CXCL12: variants seen among roughly 807,000 people sequenced by gnomAD.
The protein encoded by CXCL12 is stromal cell-derived factor 1.
Under a neutral mutation model 10.7 loss-of-function variants are expected in CXCL12, and 4 were observed. That is an observed-to-expected ratio of 0.37 (90% CI 0.18 to 0.86). The LOEUF (loss-of-function observed/expected upper bound fraction) is 0.86. Among genes scored for constraint, CXCL12 ranks in the 40% least tolerant of loss-of-function variants. The pLI, the probability that CXCL12 is intolerant of heterozygous loss-of-function variation, is 0.43. For missense variants in CXCL12, 122 were observed against 110.4 expected (o/e 1.10, Z -0.47); for synonymous variants, 54 against 45.4 (o/e 1.19, Z -0.77).
rs995214091 is a variant in CXCL12, at chr10:44,380,891, T to A, written c.62-11A>T. On this transcript the variant is annotated splice_polypyrimidine_tract_variant and intron_variant, in intron 1 of 2. Transcript: ENST00000343575. ...GGCTGACGGGCTTCCCTAGAAGAGGTAAGGACAACAAGGCACTTTACTACC... is the reference window on the plus strand; with the variant it reads ...GGCTGACGGGCTTCCCTAGAAGAGGAAAGGACAACAAGGCACTTTACTACC... 6.2e-7 allele frequency: 1 copy of A among 1,612,292 alleles called. No individual in the cohort carries two copies. The highest frequency in any genetic ancestry group is 1.3e-5 in the African/African-American group (1 of 74,840).
rs10793538 is a variant in CXCL12 at position 44,381,138 on chromosome 10, T to A, written c.62-258A>T. Among the ~76,000 whole-genome samples the A allele has an allele frequency of 0.91, 137,841 of 151,960 alleles. 63,091 individuals carry two copies. The highest frequency in any genetic ancestry group is 0.97 in the Non-Finnish European group (65,662 of 67,970). ...AGCCGGAGCCTAGATGAGGCGGGAGTTTAAATTAGAAGCCACCTGCTCAGT... is the reference window on the plus strand; with the variant it reads ...AGCCGGAGCCTAGATGAGGCGGGAGATTAAATTAGAAGCCACCTGCTCAGT... On this transcript the variant is annotated intron_variant, in intron 1 of 2. Transcript: ENST00000343575.
chr10:44,377,750 T>C lies in CXCL12; in HGVS notation c.*883A>G. The stretch of plus-strand genomic sequence containing the variant: ...TTTTGCGGGTAAGCAGGGGGACCAT[T>C]ACACATCCCCAGGAGAGGGCCAGCT... On this transcript the variant is annotated 3_prime_UTR_variant, in exon 3 of 3. Transcript: ENST00000343575. 4 of 1,598,368 alleles carry C rather than the reference T, an allele frequency of 2.5e-6. No homozygotes were observed. The highest frequency in any genetic ancestry group is 3.4e-6 in the Non-Finnish European group (4 of 1,179,796).
At chr10:44,370,474 G>C (rs553118430) in exon 4 of CXCL12, 1 of 152,400 alleles carries the variant, frequency 6.6e-6, no homozygotes, top group East Asian at 1.9e-4. Flanking sequence ...GTCTGCTTAG[G>C]GGATTTGGAA....
intron 2 of CXCL12, 139 bp downstream of exon 2, chr10:44,380,624 G>T (rs1588901667): frequency 1.3e-6 from 1 of 759,110 alleles, no homozygotes; most frequent in South Asian, 1.5e-5. Context: ...GATAAGAATA[G>T]CTGCCACTAA....
Position 44,378,848 on chromosome 10 carries a change from C to T in CXCL12, c.180-125G>A, listed in dbSNP as rs1839542905. The stretch of plus-strand genomic sequence containing the variant: ...GGCACCCCGTGCTCCACTTGGTACG[C>T]TCAGGCTCCAGAGGTGCTCGCGGTG... On this transcript the variant is annotated intron_variant, in intron 2 of 2. Transcript: ENST00000343575. The T allele has an allele frequency of 4.5e-5, 43 of 953,602 alleles. No individual in the cohort carries two copies. The South Asian group carries it at 5.9e-4, about 13-fold the overall frequency. 59.1% of individuals were successfully genotyped at this position (953,602 alleles called of 1,614,324 possible). A position where few individuals can be genotyped will look rare whatever the true frequency, so the allele number is the denominator to read the frequency against.
chr10:44,372,625 GTC>G (rs1215454904), downstream of CXCL12: 2 of 1,337,884 alleles, frequency 1.5e-6, no homozygotes, highest in Non-Finnish European at 1.9e-6. Flanking sequence ...GGTCCTGAGA[GTC>G]CTTTTGCAGG....
At chr10:44,381,015 G>A in intron 1 of CXCL12, 135 bp from the exon 2 acceptor site, 3 of 767,890 alleles carry the variant, frequency 3.9e-6, no homozygotes, top group Non-Finnish European at 7.0e-6. Flanking sequence ...GGTTACTGGT[G>A]TATGTTGGGA....
chr10:44,374,683 G>C (rs772764768), downstream of CXCL12: 9 of 455,954 alleles, frequency 2.0e-5, no homozygotes, highest in Middle Eastern at 1.6e-3. Flanking sequence ...CTCCGGGACA[G>C]GGTGTGTCTG....
At chr10:44,374,672 G>A (rs967613236), downstream of CXCL12, 3 of 456,062 alleles carry the variant, frequency 6.6e-6, no homozygotes, top group South Asian at 1.5e-5. Flanking sequence ...GGGACACCAC[G>A]CTCCGGGACA....
In CXCL12 at chr10:44,377,536, T is replaced by G. The variant is rs773558675; in HGVS notation, c.*1097A>C. 347 of 1,425,068 alleles carry G rather than the reference T, an allele frequency of 2.4e-4. No homozygotes were observed. Among genetic ancestry groups the G allele is most frequent in the Non-Finnish European group, 3.0e-4 (325 of 1,094,980 alleles). The allele number at this position is 1,425,068 out of a possible 1,614,324, so 88.3% of individuals were successfully genotyped here. A position where few individuals can be genotyped will look rare whatever the true frequency, so the allele number is the denominator to read the frequency against. On this transcript the variant is annotated 3_prime_UTR_variant, in exon 3 of 3. Coordinates refer to ENST00000343575, the MANE Select transcript of CXCL12 (RefSeq NM_199168.4). ...TTCTGATTGGAACCTGAAACCCTGC[T>G]GTGGCTTCAGGAGGGGGTAGTGGCA...
chr10:44,373,086 A>G (rs1486092309), downstream of CXCL12: 3 of 1,537,062 alleles, frequency 2.0e-6, no homozygotes, highest in Middle Eastern at 1.7e-4. Flanking sequence ...AAGTACAATA[A>G]TGGCCTTAGT....
intron 1 of CXCL12, among the ~76,000 whole-genome samples, chr10:44,383,510 G>A (rs59675227): frequency 2.7e-4 from 39 of 146,338 alleles, no homozygotes; most frequent in African/African-American, 9.6e-4. Context: ...ACACCTCCGC[G>A]CTCATCCCAC....
Position 44,377,501 on chromosome 10 carries a change from T to C in CXCL12, c.*1132A>G. ...CGCATTTATGCATGGAAATGTCACC[T>C]TGCCAACAGTTCTGATTGGAACCTG... On this transcript the variant is annotated 3_prime_UTR_variant, in exon 3 of 3. Coordinates refer to ENST00000343575, the MANE Select transcript of CXCL12 (RefSeq NM_199168.4). 36 of 1,361,986 alleles carry C rather than the reference T, an allele frequency of 2.6e-5. No homozygotes were observed. Among genetic ancestry groups the C allele is most frequent in the Non-Finnish European group, 3.4e-5 (36 of 1,062,326 alleles). 84.4% of individuals were successfully genotyped at this position (1,361,986 alleles called of 1,614,324 possible). A position where few individuals can be genotyped will look rare whatever the true frequency, so the allele number is the denominator to read the frequency against.
chr10:44,381,015 G>C (rs1032289336), intron 1 of CXCL12, 135 bp from the exon 2 acceptor site: 9 of 767,770 alleles, frequency 1.2e-5, no homozygotes, highest in Non-Finnish European at 2.1e-5. Context: ...GGTTACTGGT[G>C]TATGTTGGGA....
chr10:44,377,798 C>CCTCCT lies in CXCL12; in HGVS notation c.*834_*835insAGGAG, dbSNP rs1351322952. ...GCTCCATTCTGGAGGAGGCCAAAGA[C>CCTCCT]GGATCTCACAGAGGGCCCGAGCTGT... On this transcript the variant is annotated 3_prime_UTR_variant, in exon 3 of 3. Transcript: ENST00000343575. 2 of 1,598,002 alleles carry CCTCCT rather than the reference C, an allele frequency of 1.3e-6. No individual in the cohort carries two copies. Among genetic ancestry groups the CCTCCT allele is most frequent in the African/African-American group, 2.7e-5 (2 of 74,924 alleles).
intron 2 of CXCL12, among the ~76,000 whole-genome samples, chr10:44,379,934 T>C (rs1313375032): frequency 6.6e-6 from 1 of 152,198 alleles, no homozygotes; most frequent in Non-Finnish European, 1.5e-5. Flanking sequence ...AAATCAAAAG[T>C]AAAAACATTT....
intron 2 of CXCL12, among the ~76,000 whole-genome samples, chr10:44,378,945 T>C (rs375717199): frequency 4.5e-4 from 68 of 152,286 alleles, no homozygotes; most frequent in African/African-American, 1.6e-3. Flanking sequence ...AACAGAAGTC[T>C]TTCCGGGGCA....
Position 44,385,008 on chromosome 10 carries a change from C to A in CXCL12, c.-3G>T, listed in dbSNP as rs1316206881. ...ACGACCACGACCTTGGCGTTCATGG[C>A]GCGGGCGGGCGGGCGGGCGGGCGGA... On this transcript the variant is annotated 5_prime_UTR_variant, in exon 1 of 3. Transcript: ENST00000343575. The A allele has an allele frequency of 6.1e-5, 25 of 412,544 alleles. No individual in the cohort carries two copies. The highest frequency in any genetic ancestry group is 8.7e-5 in the Non-Finnish European group (22 of 251,564). 25.6% of individuals were successfully genotyped at this position (412,544 alleles called of 1,614,324 possible).
rs1839485514 is a variant in CXCL12, at chr10:44,377,340, T to C, written c.*1293A>G. On this transcript the variant is annotated 3_prime_UTR_variant, in exon 3 of 3. Coordinates refer to ENST00000343575, the MANE Select transcript of CXCL12 (RefSeq NM_199168.4). ...CATTCATATGGCTCCACTTCAAATA[T>C]ATGAATTGTTCGACTATAAATATAT... is the stretch of plus-strand genomic sequence containing the variant. 2 of 1,049,164 alleles carry C rather than the reference T, an allele frequency of 1.9e-6. No individual in the cohort carries two copies. The highest frequency in any genetic ancestry group is 2.3e-6 in the Non-Finnish European group (2 of 868,704). The allele number at this position is 1,049,164 out of a possible 1,614,324, so 65.0% of individuals were successfully genotyped here. A position where few individuals can be genotyped will look rare whatever the true frequency, so the allele number is the denominator to read the frequency against.
Sources: gnomAD v4.1 joint callset for allele counts (sites outside exome capture counted in the v4.1 genomes callset) on GRCh38, gnomAD v4.1.1 for gene constraint, MANE v1.5 for transcripts, NCBI Gene and HGNC (gene_info 2026-07-23, HGNC 2026-07-21) for gene names.